The following MACF1 variants were observed in gnomAD, a reference collection of about 807,000 sequenced individuals.
MACF1 encodes the protein microtubule actin crosslinking factor 1, also known as microtubule-actin cross-linking factor 1.
In MACF1, 193 loss-of-function variants were observed where a neutral mutation model predicts 854.8. The ratio of observed to expected loss-of-function variants is 0.23; its 90% CI spans 0.20 to 0.25. The LOEUF is 0.25. Ranked by LOEUF, MACF1 falls within the 10% of genes least tolerant of loss-of-function variation. MACF1 has a pLI of 1.00. For missense variants in MACF1, 7,722 were observed against 8,929.1 expected (o/e 0.86, Z 5.45); for synonymous variants, 3,185 against 3,226.7 (o/e 0.99, Z 0.44).
chr1:39,216,678 C>CT (rs3078383), intron 1 of MACF1, among the ~76,000 whole-genome samples: 96,704 of 148,614 alleles, frequency 0.65, 32,053 homozygotes, highest in South Asian at 0.79. Flanking sequence ...TAGTGGTCTA[C>CT]TTTTTTTTTT....
At chr1:39,320,493 G>A (rs1251820392) in intron 31 of MACF1, among the ~76,000 whole-genome samples, 16 of 152,160 alleles carry the variant, frequency 1.1e-4, no homozygotes, top group Non-Finnish European at 2.9e-5. Flanking sequence ...AGACTAAAAT[G>A]TGGAGAAAAT....
At position 39,319,700 on chromosome 1, in the gene MACF1, C is replaced by G. The variant is rs759194602; in HGVS notation, c.3982C>G (p.Leu1328Val). The G allele has an allele frequency of 1.2e-6, 2 of 1,613,530 alleles. No individual in the cohort carries two copies. The highest frequency in any genetic ancestry group is 2.7e-5 in the African/African-American group (2 of 74,876). Residue 1328 changes from leucine to valine, a missense_variant, in exon 31 of 101, where the codon CTG becomes GTG. Physicochemically the swap from Leu to Val is conservative, Grantham distance 32 (BLOSUM62 1). Around this residue, in one of 15 missense-constraint regions of MACF1, gnomAD observed 1,137 missense variants for 1,263.0 expected, o/e 0.90. Coordinates refer to ENST00000564288, the MANE Select transcript of MACF1 (RefSeq NM_001394062.1). ...FAEIERNQTK[L>V]DQCQKFSQQY... The stretch of plus-strand genomic sequence containing the variant: ...AGAAATTGAGAGAAATCAGACAAAA[C>G]TGGATCAATGTCAAAAATTTTCCCA...
chr1:39,451,042 C>T lies in MACF1; in HGVS notation c.20259-10C>T, dbSNP rs916584316. 1.2e-6 allele frequency: 2 copies of T among 1,610,038 alleles called. No individual in the cohort carries two copies. Among genetic ancestry groups the T allele is most frequent in the African/African-American group, 1.3e-5 (1 of 74,742 alleles). On this transcript the variant is annotated splice_polypyrimidine_tract_variant and intron_variant, in intron 84 of 100. Coordinates refer to ENST00000564288, the MANE Select transcript of MACF1 (RefSeq NM_001394062.1). ...CCCTAAAAATGGTAGCGTTTGTGTGCATTTCTCAGGCAGCACAAGTTGGAG... is the reference window on the plus strand; with the variant it reads ...CCCTAAAAATGGTAGCGTTTGTGTGTATTTCTCAGGCAGCACAAGTTGGAG...
At chr1:39,087,834 G>A (rs565587878) in intron 2 of MACF1, among the ~76,000 whole-genome samples, 4 of 151,908 alleles carry the variant, frequency 2.6e-5, no homozygotes, top group Admixed American at 6.6e-5. Flanking sequence ...GTGCAGTGGC[G>A]CAATCTCAAC....
intron 20 of MACF1, among the ~76,000 whole-genome samples, chr1:39,296,616 G>T (rs537228033): frequency 6.6e-6 from 1 of 151,812 alleles, no homozygotes; most frequent in South Asian, 2.1e-4. Flanking sequence ...TGTAGTCCCA[G>T]CTACTTGGGA....
At chr1:39,452,452 A>C in intron 86 of MACF1, 102 bp downstream of exon 86, 8 of 1,257,900 alleles carry the variant, frequency 6.4e-6, no homozygotes, top group Non-Finnish European at 6.6e-6. Flanking sequence ...AAATAAGTAT[A>C]ACAGAGTTGA....
At chr1:39,398,446 A>G (rs879593801) in intron 58 of MACF1, among the ~76,000 whole-genome samples, 10 of 151,796 alleles carry the variant, frequency 6.6e-5, no homozygotes, top group Non-Finnish European at 1.5e-4. Flanking sequence ...GCCCAGAGAC[A>G]TTTTTTATTG....
intron 2 of MACF1, among the ~76,000 whole-genome samples, chr1:39,095,140 A>G (rs1313422764): frequency 1.3e-5 from 2 of 152,136 alleles, no homozygotes; most frequent in Non-Finnish European, 2.9e-5. Flanking sequence ...TATGTCTAAC[A>G]CTAACAGTGT....
Position 39,333,176 on chromosome 1 carries a change from C to T in MACF1, c.6588C>T (p.Ser2196=). 6.2e-7 allele frequency: 1 copy of T among 1,611,472 alleles called. No homozygotes were observed. Among genetic ancestry groups the T allele is most frequent in the Non-Finnish European group, 8.5e-7 (1 of 1,179,504 alleles). Residue 2196 remains serine, a synonymous_variant, in exon 37 of 101, where the codon AGC becomes AGT. Transcript: ENST00000564288. ...GAGGATCTCACATAAAACCCCAAAG[C>T]AAAAAGTTACAAGTTCAGGTAAAGA... The part of the protein sequence containing the change: ...ETGGSHIKPQ[S]KKLQVQVKKT...
intron 2 of MACF1, among the ~76,000 whole-genome samples, chr1:39,116,379 A>AGT (rs1293553095): frequency 4.7e-5 from 6 of 127,292 alleles, no homozygotes; most frequent in Admixed American, 1.5e-4. Context: ...AGAAGGGGTG[A>AGT]GTGTGTATGT....
At position 39,333,237 on chromosome 1, in the gene MACF1, A is replaced by G; in HGVS notation, c.6649A>G (p.Thr2217Ala). Residue 2217 changes from threonine to alanine, a missense_variant, in exon 37 of 101, where the codon ACT becomes GCT. By Grantham distance (58) the Thr-to-Ala change is moderately conservative (BLOSUM62 0). This residue lies in a region of MACF1 where 1,531 missense variants were observed against 1,601.6 expected (regional missense o/e 0.96). Transcript: ENST00000564288. Reference sequence around the variant, plus strand: ...TATAAAGTTAGAACTAAAGTCTGAAACTGATGGGAATGTTCATCCTCTGGA... The same window carrying G: ...TATAAAGTTAGAACTAAAGTCTGAAGCTGATGGGAATGTTCATCCTCTGGA... ...LGIKLELKSE[T>A]DGNVHPLDKK... is the part of the protein sequence containing the mutation. The G allele has an allele frequency of 6.2e-7, 1 of 1,613,446 alleles. No homozygotes were observed. Among genetic ancestry groups the G allele is most frequent in the Non-Finnish European group, 8.5e-7 (1 of 1,179,900 alleles).
chr1:39,105,519 TC>T lies in MACF1; in HGVS notation c.220+21082del. 9.8e-7 allele frequency: 1 copy of T among 1,019,120 alleles called. No individual in the cohort carries two copies. The highest frequency in any genetic ancestry group is 6.1e-5 in the Admixed American group (1 of 16,328). 63.1% of individuals were successfully genotyped at this position (1,019,120 alleles called of 1,614,324 possible). On this transcript the variant is annotated intron_variant, in intron 2 of 93. Coordinates refer to the MACF1 transcript ENST00000361689. This position sits in a 1 kb window ranked among gnomAD's most constrained non-coding sequence, Gnocchi z 5.9. ...GCGGAGAGCGAGGGCGCCGTCGCCG[TC>T]TCTGAGACGCACAAAGGGTCGAGGC...
chr1:39,168,253 C>T (rs1643902300), intron 2 of MACF1, among the ~76,000 whole-genome samples: 1 of 152,192 alleles, frequency 6.6e-6, no homozygotes, highest in African/African-American at 2.4e-5. Context: ...TTTTGGAGTA[C>T]TGGCATTGGA....
At chr1:39,116,386 ATG>A (rs59572260) in intron 2 of MACF1, among the ~76,000 whole-genome samples, 51 of 150,314 alleles carry the variant, frequency 3.4e-4, no homozygotes, top group East Asian at 2.0e-3. Flanking sequence ...GTGAGTGTGT[ATG>A]TGTGTGTGTG....
intron 38 of MACF1, among the ~76,000 whole-genome samples, chr1:39,338,229 C>T (rs1317452904): frequency 1.4e-5 from 2 of 148,124 alleles, no homozygotes; most frequent in Non-Finnish European, 3.0e-5. Flanking sequence ...TAAAACTATA[C>T]TAAGACATCA....
intron 2 of MACF1, among the ~76,000 whole-genome samples, chr1:39,095,557 G>T (rs1641915298): frequency 1.2e-5 from 1 of 81,362 alleles, no homozygotes; most frequent in African/African-American, 5.6e-5. Context: ...GTGAGACTCT[G>T]TCTCAAAAAA....
chr1:39,357,372 C>G lies in MACF1; in HGVS notation c.11425-3C>G, dbSNP rs1427888071. ...TTTGTTTGGGGGGATTTTTTTTTAC[C>G]AGGCCCGTCACCAAGAATTGCTGTC... On this transcript the variant is annotated splice_polypyrimidine_tract_variant and splice_region_variant and intron_variant, in intron 44 of 100. Coordinates refer to ENST00000564288, the MANE Select transcript of MACF1 (RefSeq NM_001394062.1). 1 of 1,605,788 alleles carries G rather than the reference C, an allele frequency of 6.2e-7. No individual in the cohort carries two copies.
rs748015502 is a variant in MACF1 at position 39,297,703 on chromosome 1, C to T, written c.2439C>T (p.Asn813=). Residue 813 remains asparagine, a synonymous_variant, in exon 21 of 101, where the codon AAC becomes AAT. Coordinates refer to ENST00000564288, the MANE Select transcript of MACF1 (RefSeq NM_001394062.1). The part of the protein sequence containing the change: ...SIKRKYSCDH[N]TSLSRLEDLL... ...AACGAAAATATTCCTGTGACCACAA[C>T]ACCAGCTTATCCCGCCTTGAAGACC... The T allele has an allele frequency of 9.3e-6, 15 of 1,614,182 alleles. No individual in the cohort carries two copies. The highest frequency in any genetic ancestry group is 1.3e-5 in the Non-Finnish European group (15 of 1,180,024).
At chr1:39,417,555 T>G (rs1458160978) in intron 58 of MACF1, among the ~76,000 whole-genome samples, 3 of 127,712 alleles carry the variant, frequency 2.3e-5, no homozygotes, top group African/African-American at 6.3e-5. Flanking sequence ...AAAGTTTTTG[T>G]TTTTTTTTTT....
Sources: gnomAD v4.1 joint callset for allele counts (sites outside exome capture counted in the v4.1 genomes callset) on GRCh38, gnomAD v4.1.1 for gene constraint, gnomAD v4.1.1 regional missense constraint, Gnocchi (gnomAD v3.1) non-coding constraint, MANE v1.5 for transcripts, NCBI Gene and HGNC (gene_info 2026-07-23, HGNC 2026-07-21) for gene names.